The following TRUB1 variants were observed in gnomAD, a reference collection of about 807,000 sequenced individuals.
The protein encoded by TRUB1 is TruB pseudouridine synthase family member 1.
TRUB1 carries 23 observed loss-of-function variants against 33.9 expected under a neutral mutation model. The ratio of observed to expected loss-of-function variants is 0.68; its 90% CI spans 0.49 to 0.96. The LOEUF (loss-of-function observed/expected upper bound fraction) is 0.96. TRUB1 is among the 40% of genes least tolerant of loss of function. The pLI, the probability that TRUB1 is intolerant of heterozygous loss-of-function variation, is 0.00. For missense variants in TRUB1, 378 were observed against 422.2 expected, an observed-to-expected ratio of 0.90 and a Z score of 0.92; for synonymous variants, 163 against 165.4, an observed-to-expected ratio of 0.99 and a Z score of 0.11.
intron 1 of TRUB1, among the ~76,000 whole-genome samples, chr10:114,941,804 A>G (rs1278777141): frequency 6.7e-6 from 1 of 150,312 alleles, no homozygotes; most frequent in African/African-American, 2.4e-5. Flanking sequence ...TTTTTTTTTG[A>G]GACGGAGTCT....
At chr10:114,960,349 AG>A (rs2084280251) in intron 4 of TRUB1, among the ~76,000 whole-genome samples, 1 of 152,176 alleles carries the variant, frequency 6.6e-6, no homozygotes, top group African/African-American at 2.4e-5. Flanking sequence ...CACTACCGTA[AG>A]GAAGAATAGA....
chr10:114,959,620 G>A (rs2084276653), intron 3 of TRUB1, 106 bp from the exon 4 acceptor site: 2 of 726,424 alleles, frequency 2.8e-6, no homozygotes, highest in Non-Finnish European at 4.9e-6. Flanking sequence ...CCTGTATTTT[G>A]TATCAGGTTG....
At chr10:114,946,426 C>A (rs904524682) in intron 2 of TRUB1, among the ~76,000 whole-genome samples, 2 of 152,086 alleles carry the variant, frequency 1.3e-5, no homozygotes, top group Non-Finnish European at 2.9e-5. Flanking sequence ...ACTGCAACCT[C>A]CACCTCCCAA....
chr10:114,958,349 C>T (rs543108655), intron 3 of TRUB1, among the ~76,000 whole-genome samples: 3 of 152,094 alleles, frequency 2.0e-5, no homozygotes, highest in South Asian at 2.1e-4. Flanking sequence ...AATTGAAATG[C>T]GTTGGAATAT....
intron 3 of TRUB1, among the ~76,000 whole-genome samples, chr10:114,953,798 G>A (rs1002256862): frequency 2.0e-5 from 3 of 152,064 alleles, no homozygotes; most frequent in East Asian, 1.9e-4. Context: ...TGGCCATGTC[G>A]CATGGTGAGA....
At position 114,972,182 on chromosome 10, in the gene TRUB1, A is replaced by T; in HGVS notation, c.644A>T (p.Lys215Met). The T allele has an allele frequency of 6.2e-7, 1 of 1,613,694 alleles. No homozygotes were observed. Among genetic ancestry groups the T allele is most frequent in the African/African-American group, 1.3e-5 (1 of 75,010 alleles). Reference protein sequence around the residue: ...KDGQRLSTLMKRGEVVEAKPA... With the variant: ...KDGQRLSTLMMRGEVVEAKPA... ...GGACAAAGACTTTCGACTTTGATGA[A>T]GAGAGGTGAAGTCGTAGAAGCAAAA... Residue 215 changes from lysine to methionine, a missense_variant, in exon 6 of 8, where the codon AAG becomes ATG. Lys to Met is a moderately conservative substitution (Grantham distance 95). Coordinates refer to ENST00000298746, the MANE Select transcript of TRUB1 (RefSeq NM_139169.5).
chr10:114,939,821 C>CT (rs199856592), intron 1 of TRUB1, among the ~76,000 whole-genome samples: 3,950 of 103,404 alleles, frequency 0.038, 161 homozygotes, highest in African/African-American at 0.12. Flanking sequence ...CTCTGGGTTT[C>CT]TTTTCTTTTT....
At position 114,938,419 on chromosome 10, in the gene TRUB1, G is replaced by T; in HGVS notation, c.166G>T (p.Val56Phe). ...AAARTGSEAR[V>F]SKAALATKLL... is the part of the protein sequence containing the mutation. ...GGCCAGGACCGGATCCGAAGCCAGGGTCTCCAAGGCCGCTTTGGCTACCAA... is the reference window on the plus strand; with the variant it reads ...GGCCAGGACCGGATCCGAAGCCAGGTTCTCCAAGGCCGCTTTGGCTACCAA... Residue 56 changes from valine (V) to phenylalanine (F), a missense_variant, in exon 1 of 8, where the codon GTC becomes TTC. Physicochemically the swap from Val to Phe is conservative, Grantham distance 50. Transcript: ENST00000298746. 2 of 1,599,524 alleles carry T rather than the reference G, an allele frequency of 1.3e-6. No homozygotes were observed. The highest frequency in any genetic ancestry group is 1.7e-6 in the Non-Finnish European group (2 of 1,172,958).
intron 2 of TRUB1, among the ~76,000 whole-genome samples, chr10:114,947,920 C>T (rs538198095): frequency 4.6e-5 from 7 of 152,162 alleles, no homozygotes; most frequent in Non-Finnish European, 8.8e-5. Flanking sequence ...TAGATTCCTA[C>T]GATTGGAAAG....
intron 3 of TRUB1, among the ~76,000 whole-genome samples, chr10:114,952,542 T>C (rs2084241810): frequency 6.6e-6 from 1 of 152,196 alleles, no homozygotes; most frequent in South Asian, 2.1e-4. Flanking sequence ...GATTGATTGA[T>C]TGATTGATCG....
chr10:114,939,821 C>CTTTTTT (rs199856592), intron 1 of TRUB1, among the ~76,000 whole-genome samples: 10 of 103,470 alleles, frequency 9.7e-5, no homozygotes, highest in African/African-American at 3.5e-4. Context: ...CTCTGGGTTT[C>CTTTTTT]TTTTCTTTTT....
intron 3 of TRUB1, among the ~76,000 whole-genome samples, chr10:114,952,531 AGATTGATT>A (rs552416160): frequency 1.3e-5 from 2 of 152,202 alleles, no homozygotes; most frequent in African/African-American, 4.8e-5. Context: ...ATAGATACAT[AGATTGATT>A]GATTGATTGA....
At chr10:114,969,431 CAA>C (rs60376917) in intron 4 of TRUB1, 34 of 121,210 alleles carry the variant, frequency 2.8e-4, no homozygotes, top group African/African-American at 6.6e-4. Flanking sequence ...AGACCTGTCT[CAA>C]AAAAAAAAAA....
intron 2 of TRUB1, among the ~76,000 whole-genome samples, chr10:114,950,055 T>C (rs1272738144): frequency 2.0e-5 from 3 of 151,978 alleles, no homozygotes; most frequent in Non-Finnish European, 4.4e-5. Context: ...TGCGCCACCA[T>C]ACCTGGCTAA....
Position 114,975,473 on chromosome 10 carries a change from G to T in TRUB1, c.*94G>T. ...GCTGCATTCAAAAGACAAACAATATGTCTTTTTTTTTTTTGCATGAAGAAA... is the reference window on the plus strand; with the variant it reads ...GCTGCATTCAAAAGACAAACAATATTTCTTTTTTTTTTTTGCATGAAGAAA... On this transcript the variant is annotated 3_prime_UTR_variant, in exon 8 of 8. Transcript: ENST00000298746. 2.0e-5 allele frequency: 24 copies of T among 1,204,860 alleles called. No homozygotes were observed. The highest frequency in any genetic ancestry group is 8.1e-5 in the South Asian group (4 of 49,472). The allele number at this position is 1,204,860 out of a possible 1,614,324, so 74.6% of individuals were successfully genotyped here.
rs758134796 is a variant in TRUB1, at chr10:114,938,259, C to A, written c.6C>A (p.Ala2=). Residue 2 remains alanine (A), a synonymous_variant, in exon 1 of 8, where the codon GCC becomes GCA. Coordinates refer to ENST00000298746, the MANE Select transcript of TRUB1 (RefSeq NM_139169.5). ...CAGGTCTGGGCTACAAAAGTATGGC[C>A]GCTTCTGAGGCGGCGGTGGTGTCTT... M[A]ASEAAVVSSP... 7.4e-6 allele frequency: 12 copies of A among 1,614,030 alleles called. No individual in the cohort carries two copies. Among genetic ancestry groups the A allele is most frequent in the Non-Finnish European group, 9.3e-6 (11 of 1,179,976 alleles).
chr10:114,938,278 G>T lies in TRUB1; in HGVS notation c.25G>T (p.Val9Leu). The stretch of plus-strand genomic sequence containing the variant: ...TATGGCCGCTTCTGAGGCGGCGGTG[G>T]TGTCTTCGCCGTCTTTGAAAACAGA... MAASEAAV[V>L]SSPSLKTDTS... The change falls in exon 1 of 8, where the codon GTG (valine) becomes TTG (leucine). Residue 9 changes from valine (V) to leucine (L), a missense_variant. Transcript: ENST00000298746. 4 of 1,614,216 alleles carry T rather than the reference G, an allele frequency of 2.5e-6. No homozygotes were observed. The highest frequency in any genetic ancestry group is 3.4e-6 in the Non-Finnish European group (4 of 1,180,032).
chr10:114,943,547 C>G (rs1297334776), intron 2 of TRUB1, among the ~76,000 whole-genome samples: 1 of 151,966 alleles, frequency 6.6e-6, no homozygotes, highest in African/African-American at 2.4e-5. Context: ...CAAAACAAAA[C>G]AAAACACAGC....
chr10:114,939,584 G>T (rs2084176523), intron 1 of TRUB1, among the ~76,000 whole-genome samples: 1 of 152,192 alleles, frequency 6.6e-6, no homozygotes, highest in Non-Finnish European at 1.5e-5. Context: ...ATAACTGACA[G>T]TACAGATTTA....
Sources: allele counts gnomAD v4.1 joint callset (sites outside exome capture counted in the v4.1 genomes callset), GRCh38; gene constraint gnomAD v4.1.1; transcripts MANE v1.5; gene names NCBI Gene and HGNC (gene_info 2026-07-23, HGNC 2026-07-21).